The following BPIFB1 variants were observed in gnomAD, a reference collection of about 807,000 sequenced individuals.
The protein encoded by BPIFB1 is BPI fold-containing family B member 1.
A neutral mutation model predicts 55.1 loss-of-function variants in BPIFB1; 34 were observed. The observed-to-expected ratio is 0.62, with a 90% CI of 0.47 to 0.82. BPIFB1 has a LOEUF of 0.82. Ranked by LOEUF, BPIFB1 falls within the 40% of genes least tolerant of loss-of-function variation. The pLI is 0.00. For synonymous variants in BPIFB1, 236 were observed against 245.3 expected, an observed-to-expected ratio of 0.96 and a Z score of 0.35; for missense variants, 532 against 593.1, an observed-to-expected ratio of 0.90 and a Z score of 1.07.
In BPIFB1 at chr20:33,309,744, C is replaced by A; in HGVS notation, c.1432C>A (p.Pro478Thr). ...LVLTPASLWK[P>T]SSPVSQ is the part of the protein sequence containing the mutation. Reference sequence around the variant, plus strand: ...GCTTACTCCAGCCTCCTTGTGGAAACCCAGCTCTCCTGTCTCCCAGTGAAG... The same window carrying A: ...GCTTACTCCAGCCTCCTTGTGGAAAACCAGCTCTCCTGTCTCCCAGTGAAG... The change falls in exon 16 of 16, where the codon CCC becomes ACC. Residue 478 changes from proline (P) to threonine (T), a missense_variant. By Grantham distance (38) the Pro-to-Thr change is conservative (BLOSUM62 -1). Transcript: ENST00000253354. The surrounding 1 kb of genome is among the most constrained non-coding windows in gnomAD (Gnocchi z 4.4). 6.2e-7 allele frequency: 1 copy of A among 1,614,146 alleles called. No individual in the cohort carries two copies. The highest frequency in any genetic ancestry group is 8.5e-7 in the Non-Finnish European group (1 of 1,179,972).
intron 4 of BPIFB1, 136 bp from the exon 5 acceptor site, chr20:33,290,821 G>A (rs1490220321): frequency 1.1e-6 from 1 of 925,218 alleles, no homozygotes; most frequent in Non-Finnish European, 1.6e-6. Flanking sequence ...CTGGGGTGAA[G>A]TTGGGTGAAG....
intron 6 of BPIFB1, among the ~76,000 whole-genome samples, chr20:33,292,281 G>A (rs575552871): frequency 2.0e-5 from 3 of 152,262 alleles, no homozygotes; most frequent in African/African-American, 2.4e-5. Flanking sequence ...AACCTGATTT[G>A]TAGCTTTTGC....
At chr20:33,292,421 A>G (rs554261484) in intron 6 of BPIFB1, among the ~76,000 whole-genome samples, 82 of 152,354 alleles carry the variant, frequency 5.4e-4, no homozygotes, top group Non-Finnish European at 7.9e-4. Context: ...ATACATAAAC[A>G]TGATCTCAGG....
intron 5 of BPIFB1, 112 bp from the exon 6 acceptor site, chr20:33,291,795 C>A: frequency 2.1e-6 from 2 of 940,694 alleles, no homozygotes; most frequent in Non-Finnish European, 3.3e-6. Context: ...CGTCCTGTGA[C>A]CTTGGGCAGG....
intron 6 of BPIFB1, among the ~76,000 whole-genome samples, chr20:33,293,735 G>A (rs11698975): frequency 6.6e-6 from 1 of 152,164 alleles, no homozygotes; most frequent in Non-Finnish European, 1.5e-5. Context: ...CAGCTACTCA[G>A]GTGGCTGAGG....
intron 15 of BPIFB1, among the ~76,000 whole-genome samples, chr20:33,308,691 TAC>T (rs34496861): frequency 0.051 from 7,358 of 144,908 alleles, 470 homozygotes; most frequent in African/African-American, 0.13. Flanking sequence ...TACACATACA[TAC>T]ACACACACAC....
intron 15 of BPIFB1, among the ~76,000 whole-genome samples, chr20:33,308,816 CTACACACACACA>C (rs1447136114): frequency 3.4e-5 from 5 of 147,528 alleles, no homozygotes; most frequent in South Asian, 4.3e-4. Flanking sequence ...CACATACACA[CTACACACACACA>C]TACACACACA....
chr20:33,304,700 C>T (rs1211416303), intron 12 of BPIFB1, 146 bp from the exon 13 acceptor site: 12 of 896,140 alleles, frequency 1.3e-5, no homozygotes, highest in Non-Finnish European at 1.8e-5. Context: ...AGAATGCAAG[C>T]TCCACGACGC....
intron 6 of BPIFB1, among the ~76,000 whole-genome samples, chr20:33,295,656 GA>G (rs1459967860): frequency 2.1e-5 from 3 of 142,766 alleles, no homozygotes; most frequent in Non-Finnish European, 4.5e-5. Flanking sequence ...AAGAAAGAAA[GA>G]AAGAGAGAAA....
At chr20:33,297,689 T>A (rs1980700641) in intron 7 of BPIFB1, 101 bp downstream of exon 7, 1 of 1,229,982 alleles carries the variant, frequency 8.1e-7, no homozygotes, top group South Asian at 1.2e-5. Context: ...AGGCCTGAGC[T>A]GCAACTCAGG....
At chr20:33,287,670 G>T (rs913374298) in intron 2 of BPIFB1, among the ~76,000 whole-genome samples, 1 of 152,194 alleles carries the variant, frequency 6.6e-6, no homozygotes, top group Admixed American at 6.5e-5. Flanking sequence ...GCAATCTGAC[G>T]CTAGTGGGTG....
At position 33,291,953 on chromosome 20, in the gene BPIFB1, C is replaced by A. The variant is rs1342844697; in HGVS notation, c.562C>A (p.Leu188Ile). 5 of 1,614,238 alleles carry A rather than the reference C, an allele frequency of 3.1e-6. No individual in the cohort carries two copies. ...CTTAGCTAAGCAGGTCATGAACCTC[C>A]TAGTGCCATCCCTGCCCAATCTAGT... is the stretch of plus-strand genomic sequence containing the variant. ...NALAKQVMNL[L>I]VPSLPNLVKN... The change falls in exon 6 of 16, where the codon CTA becomes ATA. Residue 188 changes from leucine (L) to isoleucine (I), a missense_variant. Coordinates refer to ENST00000253354, the MANE Select transcript of BPIFB1 (RefSeq NM_033197.3).
intron 8 of BPIFB1, among the ~76,000 whole-genome samples, chr20:33,300,539 C>A (rs113797679): frequency 0.021 from 3,130 of 152,274 alleles, 103 homozygotes; most frequent in African/African-American, 0.071. Flanking sequence ...TGGCTGGACG[C>A]CCCAAAGGGC....
chr20:33,288,948 C>A, intron 3 of BPIFB1, 66 bp downstream of exon 3: 2 of 1,523,254 alleles, frequency 1.3e-6, no homozygotes, highest in Admixed American at 1.9e-5. Flanking sequence ...ACACGCTCTG[C>A]ATGCTCAGTC....
rs762929164 is a variant in BPIFB1, at chr20:33,288,813, G to A, written c.188G>A (p.Arg63Gln). Residue 63 changes from arginine (R) to glutamine (Q), a missense_variant, in exon 3 of 16, where the codon CGG (arginine) becomes CAG (glutamine). Physicochemically the swap from Arg to Gln is conservative, Grantham distance 43 (BLOSUM62 1). Transcript: ENST00000253354. ...LQQLPLLSAM[R>Q]EKPAGGIPVL... ...CAGCTGCCGCTGCTCAGTGCCATGC[G>A]GGAAAAGCCAGCCGGAGGCATCCCT... 33 of 1,613,834 alleles carry A rather than the reference G, an allele frequency of 2.0e-5. No homozygotes were observed. The highest frequency in any genetic ancestry group is 9.3e-5 in the African/African-American group (7 of 74,906).
chr20:33,295,875 T>G (rs116638400), intron 6 of BPIFB1, among the ~76,000 whole-genome samples: 5,794 of 56,566 alleles, frequency 0.1, 436 homozygotes, highest in African/African-American at 0.27. Context: ...GGAAGGGGAT[T>G]GGGAAGGGAA....
intron 1 of BPIFB1, among the ~76,000 whole-genome samples, chr20:33,284,025 G>A (rs1014703579): frequency 3.3e-5 from 5 of 152,148 alleles, no homozygotes; most frequent in African/African-American, 1.2e-4. Context: ...TCTGGCTTTG[G>A]CTGCAAGGTG....
At position 33,303,084 on chromosome 20, in the gene BPIFB1, G is replaced by C. The variant is rs1600669081; in HGVS notation, c.1140+10G>C. 1 of 1,613,002 alleles carries C rather than the reference G, an allele frequency of 6.2e-7. No individual in the cohort carries two copies. Among genetic ancestry groups the C allele is most frequent in the Non-Finnish European group, 8.5e-7 (1 of 1,179,758 alleles). On this transcript the variant is annotated intron_variant, in intron 11 of 15. Coordinates refer to ENST00000253354, the MANE Select transcript of BPIFB1 (RefSeq NM_033197.3). ...GTTCACCCTGGGCATCGTGAGTTCAGTTGTCTGCGATATTGGCAGCAACCA... is the reference window on the plus strand; with the variant it reads ...GTTCACCCTGGGCATCGTGAGTTCACTTGTCTGCGATATTGGCAGCAACCA...
At chr20:33,298,191 A>C (rs575247823) in intron 7 of BPIFB1, among the ~76,000 whole-genome samples, 20 of 152,210 alleles carry the variant, frequency 1.3e-4, no homozygotes, top group Non-Finnish European at 2.8e-4. Flanking sequence ...TGCAGTTTCA[A>C]ATTTTCCCTC....
Sources: gnomAD v4.1 joint callset for allele counts (sites outside exome capture counted in the v4.1 genomes callset) on GRCh38, gnomAD v4.1.1 for gene constraint, Gnocchi (gnomAD v3.1) non-coding constraint, MANE v1.5 for transcripts, NCBI Gene and HGNC (gene_info 2026-07-23, HGNC 2026-07-21) for gene names.